Variants in CDH5 observed in about 807,000 individuals in gnomAD.
The protein encoded by CDH5 is cadherin-5.
In CDH5, 28 loss-of-function variants were observed where a neutral mutation model predicts 62.0. The observed-to-expected ratio is 0.45, with a 90% confidence interval of 0.33 to 0.62. The LOEUF is 0.62. Ranked by LOEUF, CDH5 falls within the 20% of genes least tolerant of loss-of-function variation. The pLI, the probability that CDH5 is intolerant of heterozygous loss-of-function variation, is 0.02. For missense variants in CDH5, 940 were observed against 1,065.1 expected, an observed-to-expected ratio of 0.88 and a Z score of 1.63; for synonymous variants, 464 against 445.8, an observed-to-expected ratio of 1.04 and a Z score of -0.52.
chr16:66,388,555 A>G (rs1277238573), intron 4 of CDH5, 115 bp downstream of exon 4: 1 of 732,144 alleles, frequency 1.4e-6, no homozygotes, highest in East Asian at 2.5e-5. Flanking sequence ...CTAGCTACTG[A>G]ACCACACTGT....
chr16:66,368,765 C>G (rs1718738331), intron 1 of CDH5, among the ~76,000 whole-genome samples: 1 of 152,154 alleles, frequency 6.6e-6, no homozygotes, highest in Admixed American at 6.5e-5. Context: ...GAGTGCGGTT[C>G]CTTCTGACCC....
In CDH5 at chr16:66,398,598, G is replaced by C. The variant is rs753187114; in HGVS notation, c.1591+37G>C. On this transcript the variant is annotated intron_variant, in intron 10 of 11. Coordinates refer to ENST00000341529, the MANE Select transcript of CDH5 (RefSeq NM_001795.5). The stretch of plus-strand genomic sequence containing the variant: ...AGTAATCAGTTCAGCTGGGCGTGAT[G>C]ACCCACACCTGTAGTCTCAGCTACT... The C allele has an allele frequency of 8.4e-6, 9 of 1,068,640 alleles. No individual in the cohort carries two copies. The South Asian group carries it at 1.1e-4, about 13-fold the overall frequency. 66.2% of individuals were successfully genotyped at this position (1,068,640 alleles called of 1,614,324 possible). A position where few individuals can be genotyped will look rare whatever the true frequency, so the allele number is the denominator to read the frequency against.
intron 1 of CDH5, among the ~76,000 whole-genome samples, chr16:66,368,456 A>C (rs1214660964): frequency 6.6e-6 from 1 of 152,192 alleles, no homozygotes; most frequent in Non-Finnish European, 1.5e-5. Flanking sequence ...GTGTTGCCAA[A>C]CAAGGGCCGG....
At chr16:66,378,924 C>T (rs1193805983) in intron 1 of CDH5, among the ~76,000 whole-genome samples, 1 of 152,148 alleles carries the variant, frequency 6.6e-6, no homozygotes, top group Admixed American at 6.5e-5. Context: ...AGGCAGTGGC[C>T]ACCATATATG....
rs527919138 is a variant in CDH5, at chr16:66,402,985, C to G, written c.2171C>G (p.Pro724Arg). 526 of 1,613,388 alleles carry G rather than the reference C, an allele frequency of 3.3e-4. 6 individuals are homozygous for G. In the South Asian group the frequency reaches 5.5e-3, roughly 17 times the overall value. Residue 724 changes from proline (P) to arginine (R), a missense_variant, in exon 12 of 12, where the codon CCC becomes CGC. Pro to Arg is a moderately radical substitution (Grantham distance 103, BLOSUM62 -2). Coordinates refer to ENST00000341529, the MANE Select transcript of CDH5 (RefSeq NM_001795.5). ...DEADHDGDGP[P>R]YDTLHIYGYE... ...GCGGACCACGACGGCGACGGCCCCCCCTACGACACGCTGCACATCTACGGC... is the reference window on the plus strand; with the variant it reads ...GCGGACCACGACGGCGACGGCCCCCGCTACGACACGCTGCACATCTACGGC...
At chr16:66,386,479 G>A (rs1055981294) in intron 2 of CDH5, among the ~76,000 whole-genome samples, 1 of 151,862 alleles carries the variant, frequency 6.6e-6, no homozygotes, top group Admixed American at 6.6e-5. Context: ...CATTTTTATG[G>A]CCATATGTAC....
In CDH5 at chr16:66,396,869, G is replaced by A. The variant is rs557639291; in HGVS notation, c.1360+668G>A. 1.9e-4 allele frequency among the ~76,000 whole-genome samples: 29 copies of A among 152,202 alleles called. 1 individual carries two copies. Among genetic ancestry groups the A allele is most frequent in the Admixed American group, 1.3e-3 (20 of 15,290 alleles). Reference sequence around the variant, plus strand: ...AGGCCAAGGATCCCTGGCGCCTGCCGGGCCCACCCAGACTCACTTCTGCCA... The same window carrying A: ...AGGCCAAGGATCCCTGGCGCCTGCCAGGCCCACCCAGACTCACTTCTGCCA... On this transcript the variant is annotated intron_variant, in intron 8 of 11. Coordinates refer to ENST00000341529, the MANE Select transcript of CDH5 (RefSeq NM_001795.5).
chr16:66,400,259 T>C (rs186499612), intron 10 of CDH5, among the ~76,000 whole-genome samples: 1 of 152,364 alleles, frequency 6.6e-6, no homozygotes, highest in Admixed American at 6.5e-5. Flanking sequence ...TATGTAATCA[T>C]TTTCTCTGTG....
intron 7 of CDH5, chr16:66,395,742 T>C (rs1189142552): frequency 1.4e-5 from 3 of 210,518 alleles, no homozygotes; most frequent in African/African-American, 6.9e-5. Context: ...CCCAATGATC[T>C]TTTCATTAAT....
intron 3 of CDH5, 115 bp from the exon 4 acceptor site, chr16:66,388,208 AG>A (rs1163193067): frequency 2.9e-6 from 2 of 693,392 alleles, no homozygotes; most frequent in East Asian, 5.1e-5. Flanking sequence ...TTTTATTCCC[AG>A]GACCTGGGGG....
chr16:66,400,933 C>A lies in CDH5; in HGVS notation c.1754C>A (p.Thr585Asn). Residue 585 changes from threonine to asparagine, a missense_variant, in exon 11 of 12, where the codon ACC becomes AAC. Thr to Asn is a moderately conservative substitution (Grantham distance 65). Coordinates refer to ENST00000341529, the MANE Select transcript of CDH5 (RefSeq NM_001795.5). ...AAGTGCAACGAGCAGGGCGAGTTCA[C>A]CTTCTGCGAGGATATGGCCGCCCAG... The part of the protein sequence containing the change: ...VCKCNEQGEF[T>N]FCEDMAAQVG... 1 of 1,614,208 alleles carries A rather than the reference C, an allele frequency of 6.2e-7. No homozygotes were observed. Among genetic ancestry groups the A allele is most frequent in the Non-Finnish European group, 8.5e-7 (1 of 1,180,048 alleles).
At chr16:66,390,651 T>G in intron 6 of CDH5, 61 bp downstream of exon 6, 1 of 1,513,626 alleles carries the variant, frequency 6.6e-7, no homozygotes, top group Non-Finnish European at 9.1e-7. Context: ...CACCCACAGG[T>G]CCTGCTTGGG....
chr16:66,372,591 C>T (rs1279800132), intron 1 of CDH5, among the ~76,000 whole-genome samples: 1 of 152,174 alleles, frequency 6.6e-6, no homozygotes, highest in African/African-American at 2.4e-5. Flanking sequence ...TTTTCTCAGG[C>T]TGCCCAGGTG....
intron 1 of CDH5, among the ~76,000 whole-genome samples, chr16:66,374,250 G>C (rs933346614): frequency 6.6e-6 from 1 of 152,224 alleles, no homozygotes; most frequent in African/African-American, 2.4e-5. Context: ...GCTGTCTCGG[G>C]AGGGTGCTCA....
At position 66,403,621 on chromosome 16, in the gene CDH5, G is replaced by A. The variant is rs1192894365; in HGVS notation, c.*452G>A. The A allele has an allele frequency of 5.5e-6, 1 of 181,820 alleles. No homozygotes were observed. The highest frequency in any genetic ancestry group is 1.2e-5 in the Non-Finnish European group (1 of 85,748). The allele number at this position is 181,820 out of a possible 1,614,324, so 11.3% of individuals were successfully genotyped here. A position where few individuals can be genotyped will look rare whatever the true frequency, so the allele number is the denominator to read the frequency against. ...CTGGACAGCTTGACTTGTGGGGCAG[G>A]ATTCTCTGCAGCCCATTCCCAAGGG... On this transcript the variant is annotated 3_prime_UTR_variant, in exon 12 of 12. Coordinates refer to ENST00000341529, the MANE Select transcript of CDH5 (RefSeq NM_001795.5). This position sits in a 1 kb window ranked among gnomAD's most constrained non-coding sequence, Gnocchi z 4.3.
chr16:66,398,887 C>T (rs893356175), intron 10 of CDH5, among the ~76,000 whole-genome samples: 1 of 152,196 alleles, frequency 6.6e-6, no homozygotes, highest in African/African-American at 2.4e-5. Context: ...ATTTCTGCCA[C>T]ATACATTGTA....
rs1471461207 is a variant in CDH5 at position 66,404,539 on chromosome 16, ATACT to A, written c.*1374_*1377del. The stretch of plus-strand genomic sequence containing the variant: ...TCTTATAATGATTTTTTTACTAATG[ATACT>A]TACAAGTTTCTAGCTCTCACAGACA... On this transcript the variant is annotated 3_prime_UTR_variant, in exon 12 of 12. Coordinates refer to ENST00000341529, the MANE Select transcript of CDH5 (RefSeq NM_001795.5). The A allele has an allele frequency of 6.6e-6, 1 of 152,286 alleles. No individual in the cohort carries two copies. Among genetic ancestry groups the A allele is most frequent in the East Asian group, 1.9e-4 (1 of 5,202 alleles). 9.4% of individuals were successfully genotyped at this position (152,286 alleles called of 1,614,324 possible).
intron 8 of CDH5, among the ~76,000 whole-genome samples, 176 bp from the exon 9 acceptor site, chr16:66,397,806 T>C (rs539028957): frequency 6.6e-6 from 1 of 152,256 alleles, no homozygotes; most frequent in South Asian, 2.1e-4. Flanking sequence ...ATGGATGAGA[T>C]TTAACACCTC....
At chr16:66,401,257 T>C (rs886655508) in intron 11 of CDH5, among the ~76,000 whole-genome samples, 1 of 151,872 alleles carries the variant, frequency 6.6e-6, no homozygotes, top group East Asian at 1.9e-4. Flanking sequence ...TCAGGACTCC[T>C]CCCCCACGCA....
Sources: allele counts gnomAD v4.1 joint callset (sites outside exome capture counted in the v4.1 genomes callset), GRCh38; gene constraint gnomAD v4.1.1; non-coding constraint Gnocchi (gnomAD v3.1); transcripts MANE v1.5; gene names NCBI Gene and HGNC (gene_info 2026-07-23, HGNC 2026-07-21).